The following SPAM1 variants were observed in gnomAD, a reference collection of about 807,000 sequenced individuals.
SPAM1 encodes the protein hyaluronidase PH-20.
A neutral mutation model predicts 29.6 loss-of-function variants in SPAM1; 22 were observed. The observed-to-expected ratio is 0.74, with a 90% CI of 0.53 to 1.06. SPAM1 has a LOEUF of 1.06. Ranked by LOEUF, SPAM1 falls within the 50% of genes least tolerant of loss-of-function variation. The probability of loss-of-function intolerance (pLI) is 0.00; values close to 1 mark genes in which losing one functional copy is unlikely to be tolerated. For synonymous variants in SPAM1, 194 were observed against 204.6 expected, an observed-to-expected ratio of 0.95 and a Z score of 0.44; for missense variants, 534 against 604.0, an observed-to-expected ratio of 0.88 and a Z score of 1.21.
chr7:123,940,395 A>T (rs1387776897), intron 1 of SPAM1, among the ~76,000 whole-genome samples: 1 of 151,132 alleles, frequency 6.6e-6, no homozygotes, highest in Admixed American at 6.6e-5. Flanking sequence ...TGTTATTCAC[A>T]TTTTTTTCCC....
At chr7:123,955,127 G>A in intron 4 of SPAM1, 41 bp downstream of exon 4, 1 of 1,356,784 alleles carries the variant, frequency 7.4e-7, no homozygotes, top group Non-Finnish European at 1.1e-6. Flanking sequence ...ATATTTCTAT[G>A]TTTAATGTTT....
intron 1 of SPAM1, among the ~76,000 whole-genome samples, chr7:123,937,397 C>T (rs376615767): frequency 1.1e-3 from 163 of 151,992 alleles, no homozygotes; most frequent in Middle Eastern, 3.4e-3. Context: ...GTCAGGAGAT[C>T]GAGACCATCC....
At chr7:123,965,794 C>G (rs893119627) in intron 5 of SPAM1, among the ~76,000 whole-genome samples, 4 of 151,982 alleles carry the variant, frequency 2.6e-5, no homozygotes, top group African/African-American at 7.2e-5. Flanking sequence ...GGCTCTTTTT[C>G]CATTCCTTGT....
chr7:123,944,662 T>C (rs1216528634), intron 1 of SPAM1, among the ~76,000 whole-genome samples: 1 of 152,138 alleles, frequency 6.6e-6, no homozygotes, highest in Non-Finnish European at 1.5e-5. Context: ...GAGCACAGAA[T>C]ATTATGTTGG....
At chr7:123,957,866 C>T (rs1792280637) in intron 4 of SPAM1, among the ~76,000 whole-genome samples, 1 of 151,982 alleles carries the variant, frequency 6.6e-6, no homozygotes, top group South Asian at 2.1e-4. Flanking sequence ...TTCTTAAAGT[C>T]AGCCAAGGTG....
downstream of SPAM1, among the ~76,000 whole-genome samples, chr7:123,964,709 G>T (rs559407935): frequency 4.6e-5 from 7 of 152,016 alleles, no homozygotes; most frequent in African/African-American, 1.7e-4. Context: ...GCACTACTAG[G>T]TTTTAATTAA....
downstream of SPAM1, among the ~76,000 whole-genome samples, chr7:123,961,927 C>T (rs570159770): frequency 6.6e-6 from 1 of 151,918 alleles, no homozygotes. Context: ...GAGACTTATT[C>T]ACTACCACGA....
chr7:123,937,543 G>A (rs907165901), intron 1 of SPAM1, among the ~76,000 whole-genome samples: 1 of 144,632 alleles, frequency 6.9e-6, no homozygotes, highest in Admixed American at 7.1e-5. Flanking sequence ...GGAGCTTGCA[G>A]TGAGCCGAGA....
chr7:123,954,994 C>T lies in SPAM1; in HGVS notation c.955-3C>T, dbSNP rs756256204. On this transcript the variant is annotated splice_region_variant and splice_polypyrimidine_tract_variant and intron_variant, in intron 3 of 4. Coordinates refer to ENST00000682466, the MANE Select transcript of SPAM1 (RefSeq NM_153189.3). ...TGCTAACTCTTTCTGTCACATTTTCCAGGATGAACTTGTGTATACATTTGG... is the reference window on the plus strand; with the variant it reads ...TGCTAACTCTTTCTGTCACATTTTCTAGGATGAACTTGTGTATACATTTGG... The T allele has an allele frequency of 4.4e-6, 7 of 1,605,208 alleles. No individual in the cohort carries two copies. Among genetic ancestry groups the T allele is most frequent in the Non-Finnish European group, 6.0e-6 (7 of 1,172,812 alleles).
chr7:123,954,420 G>A lies in SPAM1; in HGVS notation c.850G>A (p.Glu284Lys). The stretch of plus-strand genomic sequence containing the variant: ...ACTCTATGTGCGCAATCGAGTTCGG[G>A]AAGCCATCAGAGTTTCCAAAATACC... ...ATLYVRNRVR[E>K]AIRVSKIPDA... is the part of the protein sequence containing the mutation. Residue 284 changes from glutamate to lysine, a missense_variant, in exon 3 of 5, where the codon GAA becomes AAA. By Grantham distance (56) the Glu-to-Lys change is moderately conservative. Coordinates refer to ENST00000682466, the MANE Select transcript of SPAM1 (RefSeq NM_153189.3). 6.2e-7 allele frequency: 1 copy of A among 1,613,386 alleles called. No individual in the cohort carries two copies. The highest frequency in any genetic ancestry group is 8.5e-7 in the Non-Finnish European group (1 of 1,179,644).
Position 123,954,342 on chromosome 7 carries a change from G to C in SPAM1, c.772G>C (p.Ala258Pro). Residue 258 changes from alanine (A) to proline (P), a missense_variant, in exon 3 of 5, where the codon GCT (alanine) becomes CCT (proline). By Grantham distance (27) the Ala-to-Pro change is conservative. Coordinates refer to ENST00000682466, the MANE Select transcript of SPAM1 (RefSeq NM_153189.3). ...DLSWLWNEST[A>P]LYPSIYLNTQ... Reference sequence around the variant, plus strand: ...CAGCTGGTTGTGGAATGAAAGCACTGCTCTTTACCCATCCATTTATTTGAA... The same window carrying C: ...CAGCTGGTTGTGGAATGAAAGCACTCCTCTTTACCCATCCATTTATTTGAA... 6.2e-7 allele frequency: 1 copy of C among 1,613,446 alleles called. No homozygotes were observed. Among genetic ancestry groups the C allele is most frequent in the East Asian group, 2.2e-5 (1 of 44,842 alleles).
At chr7:123,968,988 C>T (rs145918319) in intron 5 of SPAM1, among the ~76,000 whole-genome samples, 76 of 152,128 alleles carry the variant, frequency 5.0e-4, no homozygotes, top group African/African-American at 1.8e-3. Context: ...ATTTAATCTC[C>T]ATAATACCCT....
chr7:123,932,889 G>A (rs190230369), intron 1 of SPAM1, among the ~76,000 whole-genome samples: 2 of 152,200 alleles, frequency 1.3e-5, no homozygotes, highest in Admixed American at 6.5e-5. Context: ...TGCGCAGGGT[G>A]TCCCAGCCAA....
chr7:123,932,077 G>A (rs1240823388), intron 1 of SPAM1: 1 of 152,192 alleles, frequency 6.6e-6, no homozygotes, highest in Non-Finnish European at 1.5e-5. Context: ...GGGAGAGAAA[G>A]GACGAATTAA....
intron 1 of SPAM1, among the ~76,000 whole-genome samples, chr7:123,929,446 A>G (rs1018128428): frequency 6.6e-6 from 1 of 152,148 alleles, no homozygotes; most frequent in Non-Finnish European, 1.5e-5. Flanking sequence ...CCTGGGTAGG[A>G]AGAGCCAATC....
At chr7:123,928,307 G>A (rs1227414014) in intron 1 of SPAM1, among the ~76,000 whole-genome samples, 1 of 152,140 alleles carries the variant, frequency 6.6e-6, no homozygotes, top group Non-Finnish European at 1.5e-5. Flanking sequence ...TGTCTTTTAA[G>A]ACTGCATCCT....
At chr7:123,927,282 A>G (rs1807917341) in intron 1 of SPAM1, among the ~76,000 whole-genome samples, 1 of 152,162 alleles carries the variant, frequency 6.6e-6, no homozygotes, top group East Asian at 1.9e-4. Context: ...TATTCTTTTC[A>G]TGGCAATATA....
At position 123,953,840 on chromosome 7, in the gene SPAM1, A is replaced by G. The variant is rs1258003581; in HGVS notation, c.270A>G (p.Ile90Met). Residue 90 changes from isoleucine (I) to methionine (M), a missense_variant, in exon 3 of 5, where the codon ATA becomes ATG. Transcript: ENST00000682466. Reference protein sequence around the residue: ...RINATGQGVTIFYVDRLGYYP... With the variant: ...RINATGQGVTMFYVDRLGYYP... ...ACGCCACCGGGCAAGGTGTTACAATATTTTATGTTGATAGACTTGGCTACT... is the reference window on the plus strand; with the variant it reads ...ACGCCACCGGGCAAGGTGTTACAATGTTTTATGTTGATAGACTTGGCTACT... 2.5e-6 allele frequency: 4 copies of G among 1,613,614 alleles called. No homozygotes were observed. The highest frequency in any genetic ancestry group is 3.4e-6 in the Non-Finnish European group (4 of 1,179,772).
At position 123,925,350 on chromosome 7, in the gene SPAM1, A is replaced by G. The variant is rs921800161; in HGVS notation, c.-321A>G. 2.6e-5 allele frequency: 4 copies of G among 152,154 alleles called. No homozygotes were observed. The highest frequency in any genetic ancestry group is 9.7e-5 in the African/African-American group (4 of 41,424). 9.4% of individuals were successfully genotyped at this position (152,154 alleles called of 1,614,324 possible). A position where few individuals can be genotyped will look rare whatever the true frequency, so the allele number is the denominator to read the frequency against. ...AGCACCTCATAAGGTCCTTCCTAGC[A>G]AGGTAACAGTACAAGCTTTTTCTAA... On this transcript the variant is annotated splice_region_variant and 5_prime_UTR_variant, in exon 1 of 5. Coordinates refer to ENST00000682466, the MANE Select transcript of SPAM1 (RefSeq NM_153189.3).
Sources: allele counts gnomAD v4.1 joint callset (sites outside exome capture counted in the v4.1 genomes callset), GRCh38; gene constraint gnomAD v4.1.1; transcripts MANE v1.5; gene names NCBI Gene and HGNC (gene_info 2026-07-23, HGNC 2026-07-21).